Variants in BICC1 observed in about 807,000 individuals in gnomAD.
BICC1 encodes the protein BicC family RNA binding protein 1, also known as protein bicaudal C homolog 1.
BICC1 carries 43 observed loss-of-function variants against 111.0 expected under a neutral mutation model. That is an observed-to-expected ratio of 0.39 (90% confidence interval 0.30 to 0.50). BICC1 has a LOEUF of 0.50. Ranked by LOEUF, BICC1 falls within the 20% of genes least tolerant of loss-of-function variation. BICC1 has a pLI of 0.88. For synonymous variants in BICC1, 467 were observed against 434.4 expected (o/e 1.07, Z -0.93); for missense variants, 1,091 against 1,203.2 (o/e 0.91, Z 1.38).
Position 58,789,755 on chromosome 10 carries a change from A to G in BICC1, c.869A>G (p.Asp290Gly). ...GCTATTCCTGTGAGCACACAACTAGATATTGCAGCTCAACATCATCTCTTT... is the reference window on the plus strand; with the variant it reads ...GCTATTCCTGTGAGCACACAACTAGGTATTGCAGCTCAACATCATCTCTTT... ...ASAIPVSTQL[D>G]IAAQHHLFMM... Residue 290 changes from aspartate to glycine, a missense_variant, in exon 8 of 21, where the codon GAT (aspartate) becomes GGT (glycine). Physicochemically the swap from Asp to Gly is moderately conservative, Grantham distance 94. Coordinates refer to ENST00000373886, the MANE Select transcript of BICC1 (RefSeq NM_001080512.3). 6.2e-7 allele frequency: 1 copy of G among 1,614,160 alleles called. No homozygotes were observed. The highest frequency in any genetic ancestry group is 8.5e-7 in the Non-Finnish European group (1 of 1,180,024).
chr10:58,787,311 A>G (rs762376559), intron 5 of BICC1, among the ~76,000 whole-genome samples: 1 of 152,212 alleles, frequency 6.6e-6, no homozygotes, highest in Non-Finnish European at 1.5e-5. Flanking sequence ...TTGATAAAAA[A>G]TAGCGGAAGA....
At chr10:58,723,861 T>C (rs1471336134) in intron 3 of BICC1, among the ~76,000 whole-genome samples, 1 of 152,180 alleles carries the variant, frequency 6.6e-6, no homozygotes, top group East Asian at 1.9e-4. Flanking sequence ...GGGTTGCTAA[T>C]GTGTAATTAC....
chr10:58,724,890 T>C (rs993302797), intron 3 of BICC1, among the ~76,000 whole-genome samples: 3 of 152,316 alleles, frequency 2.0e-5, no homozygotes, highest in African/African-American at 7.2e-5. Flanking sequence ...GTTGAAGAGA[T>C]GAAAGCAGAT....
chr10:58,656,542 A>G (rs1392633336), intron 2 of BICC1, among the ~76,000 whole-genome samples: 1 of 150,644 alleles, frequency 6.6e-6, no homozygotes, highest in African/African-American at 2.4e-5. Flanking sequence ...AGGCTGGTTC[A>G]ATATACGCAA....
intron 2 of BICC1, among the ~76,000 whole-genome samples, chr10:58,631,335 TTTATATGTTTAACAGTTGCGGC>T (rs1305036052): frequency 6.6e-6 from 1 of 152,166 alleles, no homozygotes; most frequent in Non-Finnish European, 1.5e-5. Flanking sequence ...ACTCTCTCAT[TTTATATGTTTAACAGTTGCGGC>T]TTGTCCCAAA....
In BICC1 at chr10:58,796,376, A is replaced by G; in HGVS notation, c.1216A>G (p.Asn406Asp). Residue 406 changes from asparagine to aspartate, a missense_variant, in exon 10 of 21, where the codon AAT (asparagine) becomes GAT (aspartate). Around this residue, in one of 3 missense-constraint regions of BICC1, gnomAD observed 843 missense variants for 900.8 expected, o/e 0.94. Coordinates refer to ENST00000373886, the MANE Select transcript of BICC1 (RefSeq NM_001080512.3). ...GAAAAGTGTTGAGCGAAATGCCTTAAATATGTATGAAGCAAGGAAATGTCT... is the reference window on the plus strand; with the variant it reads ...GAAAAGTGTTGAGCGAAATGCCTTAGATATGTATGAAGCAAGGAAATGTCT... ...IVKSVERNAL[N>D]MYEARKCLLG... 1 of 1,613,952 alleles carries G rather than the reference A, an allele frequency of 6.2e-7. No individual in the cohort carries two copies. Among genetic ancestry groups the G allele is most frequent in the Non-Finnish European group, 8.5e-7 (1 of 1,179,976 alleles).
At chr10:58,536,342 A>G (rs1387988541) in intron 1 of BICC1, among the ~76,000 whole-genome samples, 1 of 151,796 alleles carries the variant, frequency 6.6e-6, no homozygotes, top group Non-Finnish European at 1.5e-5. Context: ...ACAAATCTCA[A>G]TAAATTTTTT....
intron 1 of BICC1, among the ~76,000 whole-genome samples, chr10:58,591,616 A>G (rs1441503749): frequency 6.6e-6 from 1 of 152,234 alleles, no homozygotes; most frequent in Non-Finnish European, 1.5e-5. Flanking sequence ...GGTTTTCAAC[A>G]TATGAATTTT....
At chr10:58,728,449 T>C (rs1841181277) in intron 3 of BICC1, among the ~76,000 whole-genome samples, 1 of 152,168 alleles carries the variant, frequency 6.6e-6, no homozygotes, top group South Asian at 2.1e-4. Context: ...TAACTTCTAA[T>C]TACAGTTCTC....
At chr10:58,691,640 C>T (rs767687713) in intron 2 of BICC1, among the ~76,000 whole-genome samples, 1 of 152,122 alleles carries the variant, frequency 6.6e-6, no homozygotes, top group Non-Finnish European at 1.5e-5. Context: ...TTTCTGGCTG[C>T]TCTTTTAAAA....
chr10:58,798,401 C>A lies in BICC1; in HGVS notation c.1369C>A (p.Leu457Ile), dbSNP rs1313202996. Reference sequence around the variant, plus strand: ...CTTTATATATTCATTTATTACAGGTCTTTTGGGACCCACCACCTTATCTCT... The same window carrying A: ...CTTTATATATTCATTTATTACAGGTATTTTGGGACCCACCACCTTATCTCT... ...SAGLGLTGLG[L>I]LGPTTLSLNT... Residue 457 changes from leucine to isoleucine, a missense_variant and splice_region_variant, in exon 11 of 21, where the codon CTT becomes ATT. By Grantham distance (5) the Leu-to-Ile change is conservative. This residue lies in a region of BICC1 where 843 missense variants were observed against 900.8 expected (regional missense o/e 0.94). Transcript: ENST00000373886. The A allele has an allele frequency of 1.3e-6, 2 of 1,568,790 alleles. No individual in the cohort carries two copies.
rs16912581 is a variant in BICC1, at chr10:58,772,129, A to T, written c.308-12872A>T. ...CCTTGGGGAAGGATGTAAAAGACAG[A>T]TAGAACTTCAAGTTCCATTCCAGGT... On this transcript the variant is annotated intron_variant, in intron 3 of 20. Coordinates refer to ENST00000373886, the MANE Select transcript of BICC1 (RefSeq NM_001080512.3). Among the ~76,000 whole-genome samples, 1,421 of 152,340 alleles carry T rather than the reference A, an allele frequency of 9.3e-3. 80 individuals carry two copies. In the East Asian group the frequency reaches 0.15, roughly 16 times the overall value.
At chr10:58,678,127 G>A (rs900748698) in intron 2 of BICC1, among the ~76,000 whole-genome samples, 2 of 152,164 alleles carry the variant, frequency 1.3e-5, no homozygotes, top group Non-Finnish European at 2.9e-5. Flanking sequence ...GGAAGAAACT[G>A]CATCAACTAA....
intron 1 of BICC1, among the ~76,000 whole-genome samples, chr10:58,603,541 C>T (rs1045929305): frequency 6.6e-6 from 1 of 152,132 alleles, no homozygotes; most frequent in African/African-American, 2.4e-5. Flanking sequence ...GCCGTCAGTC[C>T]ACTGTAGAGC....
intron 1 of BICC1, among the ~76,000 whole-genome samples, chr10:58,579,467 G>A (rs571628407): frequency 2.6e-5 from 4 of 152,250 alleles, no homozygotes; most frequent in South Asian, 2.1e-4. Flanking sequence ...ACACCACAGC[G>A]TTAACAATCC....
intron 8 of BICC1, among the ~76,000 whole-genome samples, chr10:58,791,715 G>A (rs1449760213): frequency 1.3e-5 from 2 of 152,056 alleles, no homozygotes; most frequent in African/African-American, 2.4e-5. Flanking sequence ...ACTCCAGCCT[G>A]GGTGACAGAG....
chr10:58,540,649 A>G (rs1326560993), intron 1 of BICC1, among the ~76,000 whole-genome samples: 1 of 152,050 alleles, frequency 6.6e-6, no homozygotes, highest in African/African-American at 2.4e-5. Flanking sequence ...CCAGGACCAG[A>G]TGGCTTCACT....
chr10:58,614,792 T>C (rs1845546634), intron 1 of BICC1, among the ~76,000 whole-genome samples: 1 of 152,204 alleles, frequency 6.6e-6, no homozygotes, highest in Admixed American at 6.5e-5. Context: ...GTGTAATAAA[T>C]ATAGTTGTAT....
At chr10:58,623,684 T>C (rs1337385038) in intron 2 of BICC1, among the ~76,000 whole-genome samples, 1 of 152,170 alleles carries the variant, frequency 6.6e-6, no homozygotes, top group Non-Finnish European at 1.5e-5. Flanking sequence ...GGATTGTCCC[T>C]AAGCATGACC....
Sources: allele counts gnomAD v4.1 joint callset (sites outside exome capture counted in the v4.1 genomes callset), GRCh38; gene constraint gnomAD v4.1.1; regional missense constraint gnomAD v4.1.1; transcripts MANE v1.5; gene names NCBI Gene and HGNC (gene_info 2026-07-23, HGNC 2026-07-21).